Variants in MYH9 observed in about 807,000 individuals in gnomAD.
MYH9 encodes myosin-9.
Under a neutral mutation model 241.9 loss-of-function variants are expected in MYH9, and 29 were observed. The observed-to-expected ratio is 0.12, with a 90% CI of 0.09 to 0.16. The LOEUF is 0.16. Among genes scored for constraint, MYH9 ranks in the 10% least tolerant of loss-of-function variants. The pLI is 1.00. For missense variants in MYH9, 1,803 were observed against 2,595.5 expected (o/e 0.69, Z 6.63); for synonymous variants, 1,047 against 1,062.6 (o/e 0.99, Z 0.29).
At chr22:36,326,835 C>A (rs1390351680) in intron 4 of MYH9, among the ~76,000 whole-genome samples, 174 bp from the exon 5 acceptor site, 2 of 152,342 alleles carry the variant, frequency 1.3e-5, no homozygotes, top group Non-Finnish European at 2.9e-5. Context: ...AGGCAGTTCA[C>A]TTCCCATGGC....
At chr22:36,284,377 T>C in intron 39 of MYH9, 26 bp downstream of exon 39, 1 of 1,610,150 alleles carries the variant, frequency 6.2e-7, no homozygotes. Flanking sequence ...CCGCTGCCCT[T>C]CTCACTGCCC....
chr22:36,287,517 G>A (rs189271649), intron 34 of MYH9, among the ~76,000 whole-genome samples: 110 of 152,280 alleles, frequency 7.2e-4, no homozygotes, highest in African/African-American at 2.5e-3. Context: ...GCCGAGGCGG[G>A]TGGATCACAA....
intron 1 of MYH9, among the ~76,000 whole-genome samples, chr22:36,370,629 T>G (rs1755162796): frequency 6.6e-6 from 1 of 152,170 alleles, no homozygotes; most frequent in South Asian, 2.1e-4. Flanking sequence ...TCTACAACAG[T>G]TCCTCCTTAC....
At chr22:36,283,959 A>G in intron 40 of MYH9, 134 bp downstream of exon 40, 1 of 1,071,346 alleles carries the variant, frequency 9.3e-7, no homozygotes, top group Non-Finnish European at 1.4e-6. Context: ...GCAAGGAGCC[A>G]GAAGGGGCAG....
chr22:36,349,540 G>A (rs1200938767), intron 1 of MYH9, among the ~76,000 whole-genome samples: 1 of 152,112 alleles, frequency 6.6e-6, no homozygotes, highest in African/African-American at 2.4e-5. Context: ...GACCAGCCTG[G>A]CCAACCTGGT....
intron 34 of MYH9, among the ~76,000 whole-genome samples, chr22:36,287,450 C>A (rs911116599): frequency 2.0e-5 from 3 of 151,978 alleles, no homozygotes; most frequent in African/African-American, 7.2e-5. Context: ...TTACACTTAA[C>A]ATTTTTTTTT....
At chr22:36,382,378 G>A (rs1290142104) in intron 1 of MYH9, among the ~76,000 whole-genome samples, 1 of 152,082 alleles carries the variant, frequency 6.6e-6, no homozygotes, top group Non-Finnish European at 1.5e-5. Context: ...GGGAAGCTGA[G>A]GCAGGAGAAT....
rs760249330 is a variant in MYH9 at position 36,288,246 on chromosome 22, C to T, written c.4932+6G>A. The T allele has an allele frequency of 6.2e-7, 1 of 1,613,792 alleles. No homozygotes were observed. Among genetic ancestry groups the T allele is most frequent in the Non-Finnish European group, 8.5e-7 (1 of 1,179,978 alleles). The stretch of plus-strand genomic sequence containing the variant: ...CCACCCTCACCTGGGCCCCGCCCAC[C>T]CTTACCTGCAGCTTCCGCAGCTGTT... On this transcript the variant is annotated splice_donor_region_variant and intron_variant, in intron 34 of 40. Coordinates refer to ENST00000216181, the MANE Select transcript of MYH9 (RefSeq NM_002473.6). The surrounding 1 kb of genome is among the most constrained non-coding windows in gnomAD (Gnocchi z 4.8).
At chr22:36,360,079 A>ACCACCACCACCACCAC (rs1556644747) in intron 1 of MYH9, among the ~76,000 whole-genome samples, 1 of 46,496 alleles carries the variant, frequency 2.2e-5, no homozygotes, top group Non-Finnish European at 6.4e-5. Context: ...CCACCACCTA[A>ACCACCACCACCACCAC]CATCAGAAGA....
At position 36,293,596 on chromosome 22, in the gene MYH9, C is replaced by A. The variant is rs1015841143; in HGVS notation, c.3943-115G>T. The A allele has an allele frequency of 1.0e-5, 15 of 1,474,888 alleles. No homozygotes were observed. Among genetic ancestry groups the A allele is most frequent in the Admixed American group, 6.8e-5 (4 of 59,048 alleles). The allele number at this position is 1,474,888 out of a possible 1,614,324, so 91.4% of individuals were successfully genotyped here. A position where few individuals can be genotyped will look rare whatever the true frequency, so the allele number is the denominator to read the frequency against. ...GTCCTGCTGATTTAGGGGATGGCCA[C>A]GTAAAGACCTGGAGGGAGCTGGGAG... On this transcript the variant is annotated intron_variant, in intron 29 of 40. Coordinates refer to ENST00000216181, the MANE Select transcript of MYH9 (RefSeq NM_002473.6). This position sits in a 1 kb window ranked among gnomAD's most constrained non-coding sequence, Gnocchi z 5.1.
intron 1 of MYH9, among the ~76,000 whole-genome samples, chr22:36,376,720 C>T (rs571715090): frequency 1.7e-3 from 263 of 152,324 alleles, no homozygotes; most frequent in African/African-American, 6.0e-3. Context: ...GGTCACTAAC[C>T]GGCATTCAAA....
At chr22:36,348,334 C>A (rs143629566) in intron 2 of MYH9, among the ~76,000 whole-genome samples, 1 of 150,750 alleles carries the variant, frequency 6.6e-6, no homozygotes, top group Non-Finnish European at 1.5e-5. Flanking sequence ...CATGGTGAAA[C>A]CCCGTCTCTA....
intron 1 of MYH9, among the ~76,000 whole-genome samples, chr22:36,384,053 T>C (rs1171530310): frequency 2.0e-5 from 3 of 148,672 alleles, no homozygotes; most frequent in African/African-American, 5.0e-5. Flanking sequence ...GGTGGATCGC[T>C]TGAGGTCAGA....
chr22:36,348,835 A>AGGGGGGGGGGGGGGGGGGGG, intron 2 of MYH9, 69 bp downstream of exon 2: 4 of 868,998 alleles, frequency 4.6e-6, no homozygotes, highest in East Asian at 6.0e-5. Context: ...GGTGATGGGA[A>AGGGGGGGGGGGGGGGGGGGG]GACCCGCCCC....
At chr22:36,302,516 G>A (rs1021163166) in intron 20 of MYH9, 52 bp downstream of exon 20, 1 of 1,412,936 alleles carries the variant, frequency 7.1e-7, no homozygotes, top group African/African-American at 1.4e-5. Flanking sequence ...AGGTATGTAT[G>A]GTGGTGTGCA....
Position 36,282,805 on chromosome 22 carries a change from C to A in MYH9, c.5766-20G>T. On this transcript the variant is annotated intron_variant, in intron 40 of 40. Transcript: ENST00000216181. ...CCGCGCCTGGGGGCAGAGGTAGAAG[C>A]AGAGGGTCAGCGGGCCCGGCCAGGC... 1.3e-6 allele frequency: 2 copies of A among 1,599,730 alleles called. No individual in the cohort carries two copies. The highest frequency in any genetic ancestry group is 2.7e-5 in the African/African-American group (2 of 74,922).
chr22:36,377,439 A>C (rs2018186146), intron 1 of MYH9, among the ~76,000 whole-genome samples: 1 of 152,182 alleles, frequency 6.6e-6, no homozygotes, highest in Admixed American at 6.5e-5. Flanking sequence ...TACTTAAACC[A>C]GCTCAGATCA....
At chr22:36,378,947 A>G (rs1255079085) in intron 1 of MYH9, among the ~76,000 whole-genome samples, 1 of 152,120 alleles carries the variant, frequency 6.6e-6, no homozygotes, top group Non-Finnish European at 1.5e-5. Flanking sequence ...AATGAGCTTA[A>G]GCAAATCGCT....
chr22:36,294,228 T>C lies in MYH9; in HGVS notation c.3701A>G (p.Lys1234Arg), dbSNP rs544801273. The C allele has an allele frequency of 1.7e-5, 28 of 1,614,162 alleles. No homozygotes were observed. The African/African-American group carries it at 3.6e-4, about 21-fold the overall frequency. The change falls in exon 28 of 41, where the codon AAG (lysine) becomes AGG (arginine). Residue 1234 changes from lysine to arginine, a missense_variant. By Grantham distance (26) the Lys-to-Arg change is conservative. This residue lies in a region of MYH9 where 876 missense variants were observed against 1,077.8 expected (regional missense o/e 0.81). Coordinates refer to ENST00000216181, the MANE Select transcript of MYH9 (RefSeq NM_002473.6). ...GTCCCCTTTGCCCTGCAGCAGCACC[T>C]TCACCTCGTTGGCCAGCTCCCCCCG... ...NERGELANEV[K>R]VLLQGKGDSE... is the part of the protein sequence containing the mutation.
Sources: allele counts gnomAD v4.1 joint callset (sites outside exome capture counted in the v4.1 genomes callset), GRCh38; gene constraint gnomAD v4.1.1; regional missense constraint gnomAD v4.1.1; non-coding constraint Gnocchi (gnomAD v3.1); transcripts MANE v1.5; gene names NCBI Gene and HGNC (gene_info 2026-07-23, HGNC 2026-07-21).